SNX20: variants seen among roughly 807,000 people sequenced by gnomAD.
SNX20 encodes the protein sorting nexin-20.
In SNX20, 21 loss-of-function variants were observed where a neutral mutation model predicts 24.5. The observed-to-expected ratio is 0.86, with a 90% confidence interval of 0.61 to 1.23. SNX20 has a LOEUF of 1.23. SNX20 is among the 50% of genes most tolerant of loss of function. The pLI, the probability that SNX20 is intolerant of heterozygous loss-of-function variation, is 0.00. For synonymous variants in SNX20, 206 were observed against 192.8 expected, an observed-to-expected ratio of 1.07 and a Z score of -0.57; for missense variants, 433 against 430.8, an observed-to-expected ratio of 1.00 and a Z score of -0.04.
rs1187694230 is a variant in SNX20, at chr16:50,673,498, G to C, written c.859C>G (p.Leu287Val). ...AYALGKDFVT[L>V]QERLEESQLR... ...TGGCTCTCCTCCAGCCTCTCCTGCA[G>C]AGTCACGAAGTCCTTGCCCAGCGCG... The change falls in exon 4 of 4, where the codon CTG becomes GTG. Residue 287 changes from leucine to valine, a missense_variant. Coordinates refer to ENST00000330943, the MANE Select transcript of SNX20 (RefSeq NM_182854.4). The surrounding 1 kb of genome is among the most constrained non-coding windows in gnomAD (Gnocchi z 4.1). 6.2e-7 allele frequency: 1 copy of C among 1,609,298 alleles called. No individual in the cohort carries two copies. The highest frequency in any genetic ancestry group is 8.5e-7 in the Non-Finnish European group (1 of 1,178,592).
At chr16:50,668,344 CTCTG>C, downstream of SNX20, 1 of 1,167,848 alleles carries the variant, frequency 8.6e-7, no homozygotes, top group Non-Finnish European at 1.1e-6. Context: ...ATTTCTCTGT[CTCTG>C]TCTCTCTCTC....
chr16:50,674,202 A>G (rs1963130132), intron 3 of SNX20, 128 bp from the exon 4 acceptor site: 3 of 1,066,864 alleles, frequency 2.8e-6, no homozygotes, highest in Admixed American at 3.7e-5. Flanking sequence ...CTTATATGCA[A>G]TTGTTTGTTT....
chr16:50,668,372 C>T (rs1368775538), downstream of SNX20: 2 of 1,055,524 alleles, frequency 1.9e-6, no homozygotes, highest in African/African-American at 1.6e-5. Context: ...TAACAAAAGT[C>T]TACCAGCGGC....
At chr16:50,669,526 C>A (rs1299834937), downstream of SNX20, 2 of 181,100 alleles carry the variant, frequency 1.1e-5, no homozygotes, top group Non-Finnish European at 1.2e-5. Context: ...CCAGGCCACA[C>A]CTTCAACACT....
downstream of SNX20, chr16:50,669,019 G>T: frequency 1.3e-6 from 2 of 1,551,732 alleles, no homozygotes; most frequent in Non-Finnish European, 1.7e-6. Context: ...TGGATGCAGG[G>T]TTATTCTGTG....
downstream of SNX20, chr16:50,669,136 T>G: frequency 7.4e-7 from 1 of 1,350,240 alleles, no homozygotes; most frequent in Non-Finnish European, 1.0e-6. Flanking sequence ...TCTCCAGGCC[T>G]TGATTTCCCC....
intron 1 of SNX20, among the ~76,000 whole-genome samples, chr16:50,679,831 G>C (rs1319718874): frequency 6.6e-6 from 1 of 152,226 alleles, no homozygotes; most frequent in African/African-American, 2.4e-5. Context: ...TGGGGGCCCA[G>C]GGCACTCCTA....
chr16:50,675,691 T>G, intron 3 of SNX20, 79 bp downstream of exon 3: 26 of 1,553,340 alleles, frequency 1.7e-5, no homozygotes, highest in Non-Finnish European at 1.9e-5. Flanking sequence ...TTGGGAAACC[T>G]GAGGCTCTAC....
Position 50,673,333 on chromosome 16 carries a change from A to G in SNX20, c.*73T>C. 7.2e-7 allele frequency: 1 copy of G among 1,392,370 alleles called. No individual in the cohort carries two copies. The allele number at this position is 1,392,370 out of a possible 1,614,324, so 86.3% of individuals were successfully genotyped here. ...AAAAGAAAAGGAAAAATAAAAAAAA[A>G]GAACCCCAAACAGCCCACTGTGAGC... is the stretch of plus-strand genomic sequence containing the variant. On this transcript the variant is annotated 3_prime_UTR_variant, in exon 4 of 4. Transcript: ENST00000330943. The surrounding 1 kb of genome is among the most constrained non-coding windows in gnomAD (Gnocchi z 4.1).
rs1323361203 is a variant in SNX20, at chr16:50,673,805, G to A, written c.552C>T (p.Leu184=). The change falls in exon 4 of 4, where the codon CTC becomes CTT. Residue 184 remains leucine, a synonymous_variant. Transcript: ENST00000330943. This position sits in a 1 kb window ranked among gnomAD's most constrained non-coding sequence, Gnocchi z 4.1. The stretch of plus-strand genomic sequence containing the variant: ...AAGCCTCGCGCAGCTCCGGCCGCGT[G>A]AGGAAGTCCAGGAACTCCCGGGAGC... ...VRRSREFLDF[L]TRPELREAFG... The A allele has an allele frequency of 6.3e-7, 1 of 1,590,956 alleles. No homozygotes were observed.
chr16:50,668,620 G>A (rs1962969667), downstream of SNX20: 1 of 1,020,230 alleles, frequency 9.8e-7, no homozygotes, highest in African/African-American at 1.7e-5. Flanking sequence ...GGCCCCAGAG[G>A]GAAGGGCTGT....
intron 2 of SNX20, among the ~76,000 whole-genome samples, chr16:50,676,358 G>A (rs917046471): frequency 1.3e-5 from 2 of 152,080 alleles, no homozygotes; most frequent in African/African-American, 4.8e-5. Flanking sequence ...GCAGTGAGGA[G>A]GATGTTATGT....
At chr16:50,674,485 C>T (rs923179565) in intron 3 of SNX20, among the ~76,000 whole-genome samples, 39 of 152,108 alleles carry the variant, frequency 2.6e-4, no homozygotes, top group African/African-American at 9.4e-4. Context: ...TGGGCTCAAG[C>T]GATCCTCCTA....
intron 3 of SNX20, among the ~76,000 whole-genome samples, chr16:50,674,990 T>C (rs1445726869): frequency 6.6e-6 from 1 of 152,206 alleles, no homozygotes; most frequent in African/African-American, 2.4e-5. Flanking sequence ...CGAGTCTCAC[T>C]TTTCTCATTC....
At chr16:50,668,985 G>A (rs1962978173), downstream of SNX20, 1 of 1,548,000 alleles carries the variant, frequency 6.5e-7, no homozygotes, top group Admixed American at 2.0e-5. Context: ...CCAGCTGGAT[G>A]ACCCCTAAGA....
chr16:50,668,095 T>G, downstream of SNX20: 1 of 1,551,528 alleles, frequency 6.4e-7, no homozygotes. Context: ...GGCCCACGAC[T>G]TAGGAGCTGG....
intron 1 of SNX20, 81 bp from the exon 2 acceptor site, chr16:50,677,616 C>A: frequency 7.5e-7 from 1 of 1,329,456 alleles, no homozygotes; most frequent in South Asian, 1.8e-5. Flanking sequence ...GGAGCTGTGT[C>A]ATGCCCCCTC....
downstream of SNX20, chr16:50,667,771 A>C: frequency 1.7e-6 from 1 of 582,608 alleles, no homozygotes; most frequent in Non-Finnish European, 3.1e-6. Flanking sequence ...AGCTAAGTCC[A>C]TGCTATGCTG....
rs200752656 is a variant in SNX20, at chr16:50,673,895, G to A, written c.462C>T (p.Ile154=). 1.2e-4 allele frequency: 188 copies of A among 1,610,638 alleles called. 1 individual carries two copies. The East Asian group carries it at 3.7e-3, about 31-fold the overall frequency. Residue 154 remains isoleucine (I), a synonymous_variant, in exon 4 of 4, where the codon ATC becomes ATT. Transcript: ENST00000330943. The surrounding 1 kb of genome is among the most constrained non-coding windows in gnomAD (Gnocchi z 4.1). ...CCTGCAGGGCGCGCCGACGCTCACA[G>A]ATCATCTCCTCAGCGAAGTTCCCAG... The part of the protein sequence containing the change: ...HLTGNFAEEM[I]CERRRALQEY...
Sources: gnomAD v4.1 joint callset for allele counts (sites outside exome capture counted in the v4.1 genomes callset) on GRCh38, gnomAD v4.1.1 for gene constraint, Gnocchi (gnomAD v3.1) non-coding constraint, MANE v1.5 for transcripts, NCBI Gene and HGNC (gene_info 2026-07-23, HGNC 2026-07-21) for gene names.